Variants in BIRC6 observed in about 807,000 individuals in gnomAD.
BIRC6 encodes the protein dual E2 ubiquitin-conjugating enzyme/E3 ubiquitin-protein ligase BIRC6.
A neutral mutation model predicts 503.3 loss-of-function variants in BIRC6; 98 were observed. The observed-to-expected ratio is 0.19, with a 90% CI of 0.17 to 0.23. The LOEUF (loss-of-function observed/expected upper bound fraction) is 0.23, where lower values mean the gene tolerates loss of function less well. Ranked by LOEUF, BIRC6 falls within the 10% of genes least tolerant of loss-of-function variation. The pLI is 1.00. For synonymous variants in BIRC6, 2,240 were observed against 2,078.7 expected, an observed-to-expected ratio of 1.08 and a Z score of -2.11; for missense variants, 5,360 against 5,806.0, an observed-to-expected ratio of 0.92 and a Z score of 2.50.
intron 47 of BIRC6, among the ~76,000 whole-genome samples, chr2:32,502,107 T>A (rs1282573507): frequency 5.3e-5 from 8 of 152,158 alleles, no homozygotes; most frequent in African/African-American, 1.7e-4. Flanking sequence ...AGTAAAACAT[T>A]TAATGTGTTC....
rs2052952555 is a variant in BIRC6 at position 32,499,939 on chromosome 2, T to C, written c.8861T>C (p.Val2954Ala). The change falls in exon 46 of 74, where the codon GTT (valine) becomes GCT (alanine). Residue 2954 changes from valine (V) to alanine (A), a missense_variant. This residue lies in a region of BIRC6 where 2,299 missense variants were observed against 2,267.2 expected (regional missense o/e 1.01). Coordinates refer to ENST00000421745, the MANE Select transcript of BIRC6 (RefSeq NM_016252.4). ...VSVTTNTTDSVSDEEKVSGGK... is the reference protein window; with the variant it reads ...VSVTTNTTDSASDEEKVSGGK... ...GTGACCACAAATACAACAGATAGTGTTTCAGATGAAGAAAAAGTCTCAGGA... is the reference window on the plus strand; with the variant it reads ...GTGACCACAAATACAACAGATAGTGCTTCAGATGAAGAAAAAGTCTCAGGA... 6.2e-7 allele frequency: 1 copy of C among 1,614,006 alleles called. No homozygotes were observed. The highest frequency in any genetic ancestry group is 8.5e-7 in the Non-Finnish European group (1 of 1,179,888).
At chr2:32,439,398 C>A in intron 15 of BIRC6, 110 bp from the exon 16 acceptor site, 1 of 1,061,434 alleles carries the variant, frequency 9.4e-7, no homozygotes, top group Non-Finnish European at 1.3e-6. Context: ...AAAGTTCTGG[C>A]CTACTGTACT....
chr2:32,388,884 T>A lies in BIRC6; in HGVS notation c.780T>A (p.Ser260=), dbSNP rs1455166448. Residue 260 remains serine, a synonymous_variant, in exon 4 of 74, where the codon TCT becomes TCA. Transcript: ENST00000421745. ...PVASSVMDRL[S]YLLPSARPEL... ...CGTCCTCAGTGATGGACAGATTGTC[T>A]TACCTCTTACCTAGTGCACGTCCAG... The A allele has an allele frequency of 6.2e-7, 1 of 1,611,368 alleles. No individual in the cohort carries two copies. The highest frequency in any genetic ancestry group is 2.2e-5 in the East Asian group (1 of 44,764).
chr2:32,500,600 G>GTTTTTTTTTTTTTTTTT (rs1169227018), intron 46 of BIRC6, among the ~76,000 whole-genome samples: 1 of 103,046 alleles, frequency 9.7e-6, no homozygotes, highest in Non-Finnish European at 2.1e-5. Flanking sequence ...TTTTGTTTTT[G>GTTTTTTTTTTTTTTTTT]TTTTTGTTTT....
chr2:32,406,040 A>G (rs1476430367), intron 8 of BIRC6, among the ~76,000 whole-genome samples: 1 of 152,128 alleles, frequency 6.6e-6, no homozygotes, highest in East Asian at 1.9e-4. Flanking sequence ...ACTACTCTTT[A>G]TATATCATTT....
At chr2:32,507,787 T>C (rs1450127879) in intron 50 of BIRC6, among the ~76,000 whole-genome samples, 193 bp from the exon 51 acceptor site, 1 of 152,178 alleles carries the variant, frequency 6.6e-6, no homozygotes, top group Non-Finnish European at 1.5e-5. Flanking sequence ...ATCAAATATT[T>C]TGTGTTGAAA....
At chr2:32,545,914 A>C in intron 63 of BIRC6, 54 bp downstream of exon 63, 8 of 1,484,258 alleles carry the variant, frequency 5.4e-6, no homozygotes, top group Non-Finnish European at 7.4e-6. Flanking sequence ...TTAATTAGGG[A>C]GTACAGAATA....
At chr2:32,434,983 A>G (rs914607094) in intron 13 of BIRC6, among the ~76,000 whole-genome samples, 1 of 152,226 alleles carries the variant, frequency 6.6e-6, no homozygotes, top group African/African-American at 2.4e-5. Context: ...GCCATTTTAT[A>G]TAAGGGACTG....
chr2:32,431,171 TACTG>T, intron 12 of BIRC6, 81 bp downstream of exon 12: 1 of 531,236 alleles, frequency 1.9e-6, no homozygotes, highest in Non-Finnish European at 3.2e-6. Context: ...CTAGGTATAT[TACTG>T]TTTATCTTTT....
At chr2:32,457,172 A>G (rs978573657) in intron 23 of BIRC6, among the ~76,000 whole-genome samples, 3 of 152,244 alleles carry the variant, frequency 2.0e-5, no homozygotes, top group Admixed American at 2.0e-4. Flanking sequence ...ATATTTTTCC[A>G]TCTTTTTACT....
At chr2:32,540,247 T>A (rs1372814193) in intron 61 of BIRC6, among the ~76,000 whole-genome samples, 1 of 152,082 alleles carries the variant, frequency 6.6e-6, no homozygotes, top group Non-Finnish European at 1.5e-5. Flanking sequence ...TGTTCTTAAA[T>A]TGGAGCATTT....
chr2:32,552,415 T>G (rs2058487590), intron 65 of BIRC6, among the ~76,000 whole-genome samples: 1 of 152,190 alleles, frequency 6.6e-6, no homozygotes, highest in East Asian at 1.9e-4. Context: ...ATGATAATAC[T>G]AAGCTGACCA....
intron 9 of BIRC6, among the ~76,000 whole-genome samples, chr2:32,407,186 C>T (rs903048727): frequency 1.3e-5 from 2 of 152,076 alleles, no homozygotes; most frequent in Non-Finnish European, 2.9e-5. Flanking sequence ...TGGCTTACGT[C>T]GGTAATCCTA....
chr2:32,357,611 C>G lies in BIRC6; in HGVS notation c.325+125C>G. ...GCAGGGCTGGGGGTTCGGGCCCAGC[C>G]GTGAAGGGAGGCCCGGAAGCTGATG... On this transcript the variant is annotated intron_variant, in intron 1 of 73. Coordinates refer to ENST00000421745, the MANE Select transcript of BIRC6 (RefSeq NM_016252.4). This position sits in a 1 kb window ranked among gnomAD's most constrained non-coding sequence, Gnocchi z 4.9. 7.0e-7 allele frequency: 1 copy of G among 1,434,698 alleles called. No individual in the cohort carries two copies. The highest frequency in any genetic ancestry group is 3.0e-5 in the Admixed American group (1 of 33,606). 88.9% of individuals were successfully genotyped at this position (1,434,698 alleles called of 1,614,324 possible).
chr2:32,369,923 T>G (rs1418831037), intron 1 of BIRC6, among the ~76,000 whole-genome samples: 1 of 35,830 alleles, frequency 2.8e-5, no homozygotes, highest in Non-Finnish European at 4.7e-5. Flanking sequence ...AGACCCTGTC[T>G]CTTAAAAAAA....
At chr2:32,411,427 T>A (rs1351974916) in intron 9 of BIRC6, among the ~76,000 whole-genome samples, 95 of 146,924 alleles carry the variant, frequency 6.5e-4, no homozygotes, top group Non-Finnish European at 1.2e-3. Context: ...ATTTTATTTT[T>A]TTATTTTTTT....
intron 10 of BIRC6, among the ~76,000 whole-genome samples, chr2:32,418,050 G>T (rs1418224453): frequency 6.6e-6 from 1 of 152,208 alleles, no homozygotes; most frequent in African/African-American, 2.4e-5. Flanking sequence ...AAAGTGTTGG[G>T]ATTATAGGCA....
intron 10 of BIRC6, 135 bp downstream of exon 10, chr2:32,416,298 C>A: frequency 1.1e-6 from 1 of 927,116 alleles, no homozygotes; most frequent in Non-Finnish European, 1.6e-6. Flanking sequence ...AGTGGTAAAT[C>A]CTTCTTTTTA....
At chr2:32,478,151 A>G (rs527526079) in intron 35 of BIRC6, among the ~76,000 whole-genome samples, 113 of 152,216 alleles carry the variant, frequency 7.4e-4, no homozygotes, top group African/African-American at 2.6e-3. Context: ...ATCATGGCCA[A>G]CATGGTGAAA....
Sources: gnomAD v4.1 joint callset for allele counts (sites outside exome capture counted in the v4.1 genomes callset) on GRCh38, gnomAD v4.1.1 for gene constraint, gnomAD v4.1.1 regional missense constraint, Gnocchi (gnomAD v3.1) non-coding constraint, MANE v1.5 for transcripts, NCBI Gene and HGNC (gene_info 2026-07-23, HGNC 2026-07-21) for gene names.